Variants in LMO7 observed in about 807,000 individuals in gnomAD.
LMO7 encodes the protein LIM domain 7.
A neutral mutation model predicts 206.5 loss-of-function variants in LMO7; 120 were observed. The observed-to-expected ratio is 0.58, with a 90% CI of 0.50 to 0.68. The LOEUF (loss-of-function observed/expected upper bound fraction) is 0.68. Ranked by LOEUF, LMO7 falls within the 30% of genes least tolerant of loss-of-function variation. The pLI is 0.00. For synonymous variants in LMO7, 706 were observed against 681.5 expected, an observed-to-expected ratio of 1.04 and a Z score of -0.56; for missense variants, 1,959 against 1,957.9, an observed-to-expected ratio of 1.00 and a Z score of -0.01.
intron 2 of LMO7, among the ~76,000 whole-genome samples, chr13:75,625,895 G>A (rs2138701521): frequency 6.6e-6 from 1 of 152,278 alleles, no homozygotes; most frequent in East Asian, 1.9e-4. Flanking sequence ...ATTATTTTCA[G>A]CTCTTGAGGA....
At chr13:75,636,789 G>A (rs928222827) in intron 1 of LMO7, 63 bp downstream of exon 1, 2 of 1,470,486 alleles carry the variant, frequency 1.4e-6, no homozygotes, top group Admixed American at 3.9e-5. Context: ...GTCGTCGCGA[G>A]GTGACTGCAG....
chr13:75,847,016 G>C (rs1292077541), intron 26 of LMO7, among the ~76,000 whole-genome samples: 3 of 136,178 alleles, frequency 2.2e-5, no homozygotes, highest in Non-Finnish European at 4.6e-5. Flanking sequence ...GGGTGACGGA[G>C]CAGACTCTGT....
At chr13:75,708,477 T>C (rs1280223523) in intron 1 of LMO7, among the ~76,000 whole-genome samples, 1 of 152,236 alleles carries the variant, frequency 6.6e-6, no homozygotes, top group Non-Finnish European at 1.5e-5. Flanking sequence ...TGCCAGATTA[T>C]AAGTGTCAGT....
intron 2 of LMO7, among the ~76,000 whole-genome samples, chr13:75,625,991 G>C (rs183394550): frequency 8.5e-5 from 13 of 152,290 alleles, no homozygotes; most frequent in Admixed American, 7.2e-4. Context: ...TTTCATAGCT[G>C]TTTGTAAGGT....
In LMO7 at chr13:75,808,154, G is replaced by A. The variant is rs1217588188; in HGVS notation, c.1871G>A (p.Arg624Gln). 6.8e-6 allele frequency: 11 copies of A among 1,613,664 alleles called. No homozygotes were observed. The East Asian group carries it at 1.3e-4, about 20-fold the overall frequency. The change falls in exon 10 of 31, where the codon CGG (arginine) becomes CAG (glutamine). Residue 624 changes from arginine (R) to glutamine (Q), a missense_variant. Physicochemically the swap from Arg to Gln is conservative, Grantham distance 43 (BLOSUM62 1). Transcript: ENST00000377534. ...GACTTGAAGAGATGGGAGGCCATCC[G>A]GGAGGCCAGCAGACTTAGGCACAAG... is the stretch of plus-strand genomic sequence containing the variant. ...EADLKRWEAI[R>Q]EASRLRHKKR...
chr13:75,744,659 C>T (rs1161495411), intron 3 of LMO7, among the ~76,000 whole-genome samples: 1 of 152,086 alleles, frequency 6.6e-6, no homozygotes, highest in Non-Finnish European at 1.5e-5. Flanking sequence ...CACTGGTCAC[C>T]CAATTTATCT....
At chr13:75,792,424 C>T (rs542636309) in intron 4 of LMO7, among the ~76,000 whole-genome samples, 14 of 152,144 alleles carry the variant, frequency 9.2e-5, no homozygotes, top group African/African-American at 1.4e-4. Context: ...GACTCCAAAG[C>T]GCAGGCACTT....
intron 4 of LMO7, among the ~76,000 whole-genome samples, chr13:75,772,149 C>T (rs1169146154): frequency 6.6e-6 from 1 of 152,062 alleles, no homozygotes; most frequent in East Asian, 1.9e-4. Context: ...TCATTTCTTA[C>T]CAAGCCTTTA....
Position 75,841,574 on chromosome 13 carries a change from A to C in LMO7, c.3676-54A>C, listed in dbSNP as rs889627667. On this transcript the variant is annotated intron_variant, in intron 23 of 30. Transcript: ENST00000377534. ...AACTGAATATATATGTGTCTATATG[A>C]AATTACGGAAATAAACAGATTTAGA... The C allele has an allele frequency of 2.4e-5, 31 of 1,271,786 alleles. No homozygotes were observed. The Admixed American group carries it at 6.8e-4, about 28-fold the overall frequency. The allele number at this position is 1,271,786 out of a possible 1,614,324, so 78.8% of individuals were successfully genotyped here.
chr13:75,853,332 C>T lies in LMO7; in HGVS notation c.4605C>T (p.Pro1535=). 3.7e-6 allele frequency: 6 copies of T among 1,613,540 alleles called. No homozygotes were observed. Among genetic ancestry groups the T allele is most frequent in the Non-Finnish European group, 5.1e-6 (6 of 1,179,700 alleles). Residue 1535 remains proline, a synonymous_variant, in exon 28 of 31, where the codon CCC becomes CCT. Transcript: ENST00000377534. ...CAGGTGTGGCCACCACACAGTCCCCCACCCCGAGAAGCCATTCCCCTTCAG... is the reference window on the plus strand; with the variant it reads ...CAGGTGTGGCCACCACACAGTCCCCTACCCCGAGAAGCCATTCCCCTTCAG... ...STTGVATTQS[P]TPRSHSPSAS...
At chr13:75,636,065 T>G (rs1321077315), upstream of LMO7, 4 of 153,952 alleles carry the variant, frequency 2.6e-5, no homozygotes, top group African/African-American at 9.8e-5. Flanking sequence ...GCGGGAAGGA[T>G]GCGGGCGCGG....
intron 1 of LMO7, among the ~76,000 whole-genome samples, chr13:75,693,216 A>C (rs1254713179): frequency 6.6e-6 from 1 of 152,240 alleles, no homozygotes; most frequent in Non-Finnish European, 1.5e-5. Flanking sequence ...TATGCATGAT[A>C]TAATCCATCA....
At chr13:75,787,076 A>T (rs896308955) in intron 4 of LMO7, among the ~76,000 whole-genome samples, 1 of 152,192 alleles carries the variant, frequency 6.6e-6, no homozygotes, top group Admixed American at 6.5e-5. Context: ...GTGTGAGTTT[A>T]TTTGCTTGAC....
chr13:75,731,043 T>C (rs944554560), intron 3 of LMO7, among the ~76,000 whole-genome samples: 28 of 151,828 alleles, frequency 1.8e-4, no homozygotes, highest in Non-Finnish European at 8.8e-5. Flanking sequence ...AGAGCTTTAC[T>C]TCCAACTATG....
At chr13:75,674,911 C>G (rs980289573) in intron 1 of LMO7, among the ~76,000 whole-genome samples, 9 of 152,128 alleles carry the variant, frequency 5.9e-5, no homozygotes, top group African/African-American at 2.2e-4. Context: ...AAAGAAAATA[C>G]AAGTGATATC....
chr13:75,776,468 A>G (rs977041254), intron 4 of LMO7, among the ~76,000 whole-genome samples: 24 of 151,874 alleles, frequency 1.6e-4, no homozygotes, highest in African/African-American at 5.6e-4. Flanking sequence ...AGTTGGAATT[A>G]TATGATTTGA....
At chr13:75,783,498 T>G (rs1054236104) in intron 4 of LMO7, among the ~76,000 whole-genome samples, 2 of 152,144 alleles carry the variant, frequency 1.3e-5, no homozygotes, top group African/African-American at 2.4e-5. Flanking sequence ...AATTTTTGTA[T>G]TTTTGGAAGA....
chr13:75,720,656 A>G (rs1031905215), intron 2 of LMO7, among the ~76,000 whole-genome samples: 1 of 152,216 alleles, frequency 6.6e-6, no homozygotes, highest in African/African-American at 2.4e-5. Flanking sequence ...AAGCTTTGCT[A>G]GACTTACTTC....
At chr13:75,785,041 A>G (rs1004926607) in intron 4 of LMO7, among the ~76,000 whole-genome samples, 37 of 152,168 alleles carry the variant, frequency 2.4e-4, no homozygotes, top group African/African-American at 8.4e-4. Context: ...TATACAGGAT[A>G]GTGGAAAATA....
Sources: allele counts gnomAD v4.1 joint callset (sites outside exome capture counted in the v4.1 genomes callset), GRCh38; gene constraint gnomAD v4.1.1; transcripts MANE v1.5; gene names NCBI Gene and HGNC (gene_info 2026-07-23, HGNC 2026-07-21).